OLA1: variants seen among roughly 807,000 people sequenced by gnomAD.
The protein encoded by OLA1 is obg-like ATPase 1.
Under a neutral mutation model 48.4 loss-of-function variants are expected in OLA1, and 14 were observed. The observed-to-expected ratio is 0.29, with a 90% CI of 0.19 to 0.45. The LOEUF (loss-of-function observed/expected upper bound fraction) is 0.45. OLA1 is among the 20% of genes least tolerant of loss of function. OLA1 has a pLI of 1.00. For synonymous variants in OLA1, 127 were observed against 150.4 expected, an observed-to-expected ratio of 0.84 and a Z score of 1.14; for missense variants, 325 against 467.1, an observed-to-expected ratio of 0.70 and a Z score of 2.80.
At chr2:174,134,348 GTGATGTTT>G (rs771434268) in intron 5 of OLA1, among the ~76,000 whole-genome samples, 158 of 152,308 alleles carry the variant, frequency 1.0e-3, no homozygotes, top group Admixed American at 3.7e-3. Context: ...GGGACACAGT[GTGATGTTT>G]TGATAGACGT....
chr2:174,116,742 T>TA (rs1328768497), intron 7 of OLA1, among the ~76,000 whole-genome samples: 1 of 152,208 alleles, frequency 6.6e-6, no homozygotes, highest in Non-Finnish European at 1.5e-5. Flanking sequence ...ATTAAAATCA[T>TA]AAAATTCTAG....
chr2:174,204,662 ATAT>A (rs540507765), intron 4 of OLA1, among the ~76,000 whole-genome samples: 110 of 152,278 alleles, frequency 7.2e-4, no homozygotes, highest in African/African-American at 2.4e-3. Flanking sequence ...AGACAATGAA[ATAT>A]TATTCCTTCA....
chr2:174,076,567 A>G (rs1490300414), intron 10 of OLA1, among the ~76,000 whole-genome samples: 1 of 152,180 alleles, frequency 6.6e-6, no homozygotes, highest in African/African-American at 2.4e-5. Context: ...AAACACTAAT[A>G]AAGATCATAC....
At chr2:174,117,145 T>A (rs1466305522) in intron 7 of OLA1, among the ~76,000 whole-genome samples, 4 of 152,154 alleles carry the variant, frequency 2.6e-5, no homozygotes, top group Admixed American at 2.0e-4. Flanking sequence ...TAAATTTTGT[T>A]CCTTAATCCA....
intron 4 of OLA1, among the ~76,000 whole-genome samples, chr2:174,145,430 T>C (rs66921431): frequency 0.11 from 17,117 of 152,052 alleles, 2,205 homozygotes; most frequent in East Asian, 0.71. Context: ...TAAAATAGCA[T>C]TTAGTTTTAG....
chr2:174,086,964 C>T (rs1023656713), intron 7 of OLA1, among the ~76,000 whole-genome samples: 3 of 151,916 alleles, frequency 2.0e-5, no homozygotes, highest in Non-Finnish European at 2.9e-5. Context: ...GAGTTTCGTT[C>T]TTGTTTTTGG....
In OLA1 at chr2:174,081,911, A is replaced by C; in HGVS notation, c.869+13T>G. ...TTGATAATAAAGTGTAGGGAAAATG[A>C]ATGCTAATTAACCTTTGTGTCATGT... On this transcript the variant is annotated intron_variant, in intron 8 of 10. Transcript: ENST00000284719. 2.5e-6 allele frequency: 4 copies of C among 1,609,784 alleles called. No homozygotes were observed. Among genetic ancestry groups the C allele is most frequent in the Non-Finnish European group, 3.4e-6 (4 of 1,178,544 alleles).
Position 174,075,266 on chromosome 2 carries a change from G to C in OLA1, c.*160C>G. The C allele has an allele frequency of 2.1e-6, 1 of 484,424 alleles. No homozygotes were observed. Among genetic ancestry groups the C allele is most frequent in the East Asian group, 3.4e-5 (1 of 29,758 alleles). The allele number at this position is 484,424 out of a possible 1,614,324, so 30.0% of individuals were successfully genotyped here. On this transcript the variant is annotated 3_prime_UTR_variant, in exon 11 of 11. Coordinates refer to ENST00000284719, the MANE Select transcript of OLA1 (RefSeq NM_013341.5). ...ACCTGCATTTCATGGGGGGGGGGGG[G>C]TACACAGTATTTTAATTTTAAAACA... is the stretch of plus-strand genomic sequence containing the variant.
chr2:174,219,704 G>A (rs1309242225), intron 4 of OLA1, among the ~76,000 whole-genome samples: 1 of 152,114 alleles, frequency 6.6e-6, no homozygotes, highest in Non-Finnish European at 1.5e-5. Flanking sequence ...TTACAGGCAT[G>A]AGCCACCGTG....
intron 4 of OLA1, among the ~76,000 whole-genome samples, chr2:174,154,564 A>G (rs569059694): frequency 1.3e-5 from 2 of 152,240 alleles, no homozygotes; most frequent in South Asian, 4.1e-4. Context: ...TTACAAGGCA[A>G]TTCTAGAGGA....
At chr2:174,078,723 A>C (rs1002741284) in intron 10 of OLA1, among the ~76,000 whole-genome samples, 6 of 151,870 alleles carry the variant, frequency 4.0e-5, no homozygotes, top group African/African-American at 1.4e-4. Flanking sequence ...AATTTATTTT[A>C]TTTTCAATTA....
chr2:174,171,195 G>A lies in OLA1; in HGVS notation c.374-29195C>T, dbSNP rs147285325. On this transcript the variant is annotated intron_variant, in intron 4 of 10. Coordinates refer to ENST00000284719, the MANE Select transcript of OLA1 (RefSeq NM_013341.5). ...TACAATCAGAACTGGAGATCTTAACGCCCTTCTCTTAACTAAATTAATGGA... is the reference window on the plus strand; with the variant it reads ...TACAATCAGAACTGGAGATCTTAACACCCTTCTCTTAACTAAATTAATGGA... 4.3e-3 allele frequency among the ~76,000 whole-genome samples: 653 copies of A among 152,154 alleles called. 7 individuals are homozygous for A. Among genetic ancestry groups the A allele is most frequent in the African/African-American group, 0.014 (588 of 41,516 alleles).
intron 4 of OLA1, among the ~76,000 whole-genome samples, chr2:174,151,596 TA>T (rs894946722): frequency 9.5e-5 from 14 of 148,132 alleles, no homozygotes; most frequent in Middle Eastern, 3.4e-3. Flanking sequence ...AATATACTGC[TA>T]AAAAAAAAAC....
chr2:174,157,256 C>T (rs986547717), intron 4 of OLA1, among the ~76,000 whole-genome samples: 1 of 152,022 alleles, frequency 6.6e-6, no homozygotes, highest in East Asian at 1.9e-4. Flanking sequence ...TAAGAAAAAG[C>T]GGAACACAAC....
At chr2:174,235,897 T>C (rs1688838739) in intron 2 of OLA1, among the ~76,000 whole-genome samples, 1 of 152,146 alleles carries the variant, frequency 6.6e-6, no homozygotes, top group African/African-American at 2.4e-5. Flanking sequence ...CAGTTCACAT[T>C]CCTATGAGCC....
chr2:174,084,626 A>C (rs1364928818), intron 7 of OLA1, among the ~76,000 whole-genome samples: 1 of 152,242 alleles, frequency 6.6e-6, no homozygotes, highest in African/African-American at 2.4e-5. Flanking sequence ...GGCCAAGATC[A>C]CAAATCTGAA....
intron 10 of OLA1, among the ~76,000 whole-genome samples, chr2:174,077,753 T>C (rs555976565): frequency 1.3e-3 from 200 of 152,070 alleles, no homozygotes; most frequent in African/African-American, 4.5e-3. Context: ...TTTAAGAGTA[T>C]AAAAAAAGAA....
intron 4 of OLA1, among the ~76,000 whole-genome samples, chr2:174,168,591 A>G (rs1687222148): frequency 6.6e-6 from 1 of 152,188 alleles, no homozygotes; most frequent in East Asian, 1.9e-4. Flanking sequence ...AGTGTCTATT[A>G]AAACTACCTT....
intron 7 of OLA1, among the ~76,000 whole-genome samples, chr2:174,115,910 G>A (rs1271189104): frequency 6.6e-6 from 1 of 152,204 alleles, no homozygotes; most frequent in Non-Finnish European, 1.5e-5. Flanking sequence ...CCATGAGACT[G>A]TAAGTCTTCC....
Sources: gnomAD v4.1 joint callset for allele counts (sites outside exome capture counted in the v4.1 genomes callset) on GRCh38, gnomAD v4.1.1 for gene constraint, MANE v1.5 for transcripts, NCBI Gene and HGNC (gene_info 2026-07-23, HGNC 2026-07-21) for gene names.